CATSPERE: variants seen among roughly 807,000 people sequenced by gnomAD.
CATSPERE encodes cation channel sperm-associated auxiliary subunit epsilon.
In CATSPERE, 93 loss-of-function variants were observed where a neutral mutation model predicts 114.1. The ratio of observed to expected loss-of-function variants is 0.81; its 90% CI spans 0.69 to 0.97. The LOEUF (loss-of-function observed/expected upper bound fraction) is 0.97, where lower values mean the gene tolerates loss of function less well. CATSPERE is among the 50% of genes least tolerant of loss of function. The pLI is 0.00. For missense variants in CATSPERE, 1,058 were observed against 1,131.6 expected, an observed-to-expected ratio of 0.93 and a Z score of 0.93; for synonymous variants, 341 against 384.1, an observed-to-expected ratio of 0.89 and a Z score of 1.31.
chr1:244,570,987 A>G (rs1190410941), intron 10 of CATSPERE, among the ~76,000 whole-genome samples: 1 of 152,228 alleles, frequency 6.6e-6, no homozygotes, highest in Admixed American at 6.5e-5. Context: ...TGGCTAAAGA[A>G]CAGACAGGCC....
intron 13 of CATSPERE, among the ~76,000 whole-genome samples, chr1:244,586,077 C>G (rs1333523659): frequency 6.6e-6 from 1 of 152,200 alleles, no homozygotes; most frequent in East Asian, 1.9e-4. Context: ...CCGGCTCCGT[C>G]TCTGCACTAA....
rs1262320340 is a variant in CATSPERE, at chr1:244,605,695, A to G, written c.2304A>G (p.Leu768=). 1.3e-6 allele frequency: 2 copies of G among 1,599,520 alleles called. No individual in the cohort carries two copies. The highest frequency in any genetic ancestry group is 1.1e-5 in the South Asian group (1 of 90,420). The change falls in exon 18 of 22, where the codon CTA becomes CTG. Residue 768 remains leucine, a splice_region_variant and synonymous_variant. Transcript: ENST00000366534. ...TCTTTCTGTTTGTTGTTTCTTTCAG[A>G]TTTGATGATAATGGCTATGTTAAAG... ...FTEKFQPVVQ[L]FDDNGYVKDV... is the part of the protein sequence containing the mutation.
At chr1:244,566,210 T>C (rs1024014549) in intron 10 of CATSPERE, among the ~76,000 whole-genome samples, 1 of 152,254 alleles carries the variant, frequency 6.6e-6, no homozygotes, top group Non-Finnish European at 1.5e-5. Flanking sequence ...TCCATTCTTT[T>C]GCATTTGCTA....
chr1:244,479,692 C>T, intron 4 of CATSPERE, 25 bp from the exon 5 acceptor site: 1 of 1,458,544 alleles, frequency 6.9e-7, no homozygotes, highest in Non-Finnish European at 9.6e-7. Flanking sequence ...TAATATATCA[C>T]AGTTTCTTTT....
At chr1:244,529,194 G>A (rs1679203300) in intron 8 of CATSPERE, among the ~76,000 whole-genome samples, 1 of 152,092 alleles carries the variant, frequency 6.6e-6, no homozygotes, top group Non-Finnish European at 1.5e-5. Context: ...TGTATACCTA[G>A]CACTGGGATT....
chr1:244,635,024 T>C (rs1470234849), intron 20 of CATSPERE, among the ~76,000 whole-genome samples: 1 of 152,166 alleles, frequency 6.6e-6, no homozygotes, highest in Non-Finnish European at 1.5e-5. Flanking sequence ...TTTGTATTTT[T>C]AGTAGAGAAG....
At chr1:244,577,760 G>C (rs1452727016) in intron 11 of CATSPERE, among the ~76,000 whole-genome samples, 1 of 152,154 alleles carries the variant, frequency 6.6e-6, no homozygotes, top group Non-Finnish European at 1.5e-5. Context: ...ATAAGTTTTA[G>C]AGGAACACAT....
chr1:244,552,388 T>C lies in CATSPERE; in HGVS notation c.603T>C (p.Val201=), dbSNP rs1030019270. Residue 201 remains valine, a synonymous_variant, in exon 9 of 22, where the codon GTT becomes GTC. Coordinates refer to ENST00000366534, the MANE Select transcript of CATSPERE (RefSeq NM_001130957.2). Reference sequence around the variant, plus strand: ...TAAAGGAGATTAGAGGAAACCAAGTTACTTTTCAGGATTGCTTTATTGCAG... The same window carrying C: ...TAAAGGAGATTAGAGGAAACCAAGTCACTTTTCAGGATTGCTTTATTGCAG... ...DALKEIRGNQ[V]TFQDCFIADF... 6.2e-7 allele frequency: 1 copy of C among 1,614,172 alleles called. No homozygotes were observed. The highest frequency in any genetic ancestry group is 8.5e-7 in the Non-Finnish European group (1 of 1,180,022).
intron 20 of CATSPERE, among the ~76,000 whole-genome samples, chr1:244,625,426 A>ATTTTTTTTTTTTTTTTTTT (rs1326525192): frequency 1.8e-3 from 7 of 3,944 alleles, no homozygotes; most frequent in Non-Finnish European, 2.6e-3. Context: ...ATATATATAT[A>ATTTTTTTTTTTTTTTTTTT]TATATATTTT....
At chr1:244,528,785 C>CCACGCACGCACACA (rs1553342506) in intron 8 of CATSPERE, among the ~76,000 whole-genome samples, 1 of 130,536 alleles carries the variant, frequency 7.7e-6, no homozygotes, top group African/African-American at 3.0e-5. Flanking sequence ...CAATCCCCCA[C>CCACGCACGCACACA]CACACACACA....
intron 1 of CATSPERE, among the ~76,000 whole-genome samples, 172 bp downstream of exon 1, chr1:244,461,666 G>A (rs1432436796): frequency 6.6e-6 from 1 of 152,150 alleles, no homozygotes; most frequent in Admixed American, 6.5e-5. Flanking sequence ...GCTCCCACCC[G>A]AGAGTTTTCC....
intron 7 of CATSPERE, chr1:244,515,227 A>C (rs1676431160): frequency 4.0e-6 from 2 of 505,376 alleles, no homozygotes; most frequent in African/African-American, 2.1e-5. Flanking sequence ...CAAGCATAGT[A>C]ACTCCTCTCC....
chr1:244,582,126 T>A (rs1472803851), intron 12 of CATSPERE, among the ~76,000 whole-genome samples: 2 of 152,250 alleles, frequency 1.3e-5, no homozygotes, highest in African/African-American at 4.8e-5. Context: ...TGAATAATTT[T>A]CAAGCACATT....
upstream of CATSPERE, among the ~76,000 whole-genome samples, chr1:244,454,028 G>C (rs1665889617): frequency 6.6e-6 from 1 of 152,178 alleles, no homozygotes; most frequent in Admixed American, 6.5e-5. Context: ...TCTTGGTTAG[G>C]GATCTGATTG....
chr1:244,635,454 A>T (rs756472022), intron 20 of CATSPERE, 35 bp from the exon 21 acceptor site: 1 of 1,460,912 alleles, frequency 6.8e-7, no homozygotes, highest in Non-Finnish European at 9.6e-7. Flanking sequence ...TATTGTACTT[A>T]GTGTAATCTT....
At chr1:244,473,895 T>TA (rs1157744882) in intron 2 of CATSPERE, among the ~76,000 whole-genome samples, 2 of 152,144 alleles carry the variant, frequency 1.3e-5, no homozygotes, top group East Asian at 3.8e-4. Context: ...TTCTTTTCTT[T>TA]AAAAAAATTA....
At chr1:244,452,056 A>C, upstream of CATSPERE, 1 of 365,248 alleles carries the variant, frequency 2.7e-6, no homozygotes, top group Non-Finnish European at 4.8e-6. Context: ...CGCCCGCAGG[A>C]AGAGGCCCTG....
intron 5 of CATSPERE, among the ~76,000 whole-genome samples, chr1:244,489,071 GA>G (rs1351729352): frequency 6.6e-6 from 1 of 152,126 alleles, no homozygotes; most frequent in African/African-American, 2.4e-5. Context: ...ACTTTACAGT[GA>G]AAAAAACTTT....
chr1:244,505,304 C>T (rs187247559), intron 7 of CATSPERE, among the ~76,000 whole-genome samples: 104 of 152,220 alleles, frequency 6.8e-4, no homozygotes, highest in East Asian at 5.2e-3. Context: ...AGCTCTGGAC[C>T]GTTTCGGTTC....
Sources: gnomAD v4.1 joint callset for allele counts (sites outside exome capture counted in the v4.1 genomes callset) on GRCh38, gnomAD v4.1.1 for gene constraint, MANE v1.5 for transcripts, NCBI Gene and HGNC (gene_info 2026-07-23, HGNC 2026-07-21) for gene names.